Variants in SERINC5 observed in about 807,000 individuals in gnomAD.
The protein encoded by SERINC5 is chromosome 5 open reading frame 12.
Under a neutral mutation model 63.1 loss-of-function variants are expected in SERINC5, and 41 were observed. The observed-to-expected ratio is 0.65, with a 90% CI of 0.51 to 0.84. SERINC5 has a LOEUF of 0.84. Among genes scored for constraint, SERINC5 ranks in the 40% least tolerant of loss-of-function variants. The probability of loss-of-function intolerance (pLI) is 0.00; values close to 1 mark genes in which losing one functional copy is unlikely to be tolerated. For synonymous variants in SERINC5, 222 were observed against 215.2 expected, an observed-to-expected ratio of 1.03 and a Z score of -0.28; for missense variants, 523 against 573.0, an observed-to-expected ratio of 0.91 and a Z score of 0.89.
chr5:80,253,403 C>T (rs1752513909), intron 1 of SERINC5, among the ~76,000 whole-genome samples: 2 of 152,176 alleles, frequency 1.3e-5, no homozygotes, highest in Admixed American at 1.3e-4. Context: ...TCATGACCAA[C>T]TCGAACTGCT....
At chr5:80,167,661 T>C (rs551196508) in intron 6 of SERINC5, among the ~76,000 whole-genome samples, 70 of 152,316 alleles carry the variant, frequency 4.6e-4, no homozygotes, top group African/African-American at 1.6e-3. Context: ...TCCACTATGG[T>C]TGAACTAATT....
intron 1 of SERINC5, among the ~76,000 whole-genome samples, chr5:80,249,359 T>C (rs1752300708): frequency 6.6e-6 from 1 of 151,650 alleles, no homozygotes; most frequent in Non-Finnish European, 1.5e-5. Flanking sequence ...GAAGACTATC[T>C]ACATATGAAT....
At chr5:80,235,641 G>A (rs905881407) in intron 1 of SERINC5, among the ~76,000 whole-genome samples, 6 of 152,104 alleles carry the variant, frequency 3.9e-5, no homozygotes, top group African/African-American at 1.5e-4. Context: ...CTGTCGCCCA[G>A]GCTGGAGTGC....
chr5:80,142,954 C>A lies in SERINC5; in HGVS notation c.*709G>T. 1.0e-6 allele frequency: 1 copy of A among 985,442 alleles called. No homozygotes were observed. Among genetic ancestry groups the A allele is most frequent in the Non-Finnish European group, 1.2e-6 (1 of 829,966 alleles). The allele number at this position is 985,442 out of a possible 1,614,324, so 61.0% of individuals were successfully genotyped here. On this transcript the variant is annotated 3_prime_UTR_variant, in exon 12 of 12. Coordinates refer to ENST00000507668, the MANE Select transcript of SERINC5 (RefSeq NM_001174072.3). ...GTAGTGATAATAAGGTGGGGAACCA[C>A]CTGGGGGGTGATCAGACAAATTGTG... is the stretch of plus-strand genomic sequence containing the variant.
At chr5:80,243,526 T>C (rs931783078) in intron 1 of SERINC5, among the ~76,000 whole-genome samples, 1 of 151,904 alleles carries the variant, frequency 6.6e-6, no homozygotes, top group Non-Finnish European at 1.5e-5. Context: ...AAAAAGGACA[T>C]CTAAGCTTCA....
At chr5:80,215,321 C>T (rs1750614574) in intron 1 of SERINC5, among the ~76,000 whole-genome samples, 1 of 152,176 alleles carries the variant, frequency 6.6e-6, no homozygotes, top group African/African-American at 2.4e-5. Context: ...CTGCTCCTCC[C>T]TTGTCTTCCG....
chr5:80,146,620 T>C (rs908247305), intron 10 of SERINC5, among the ~76,000 whole-genome samples: 2 of 152,038 alleles, frequency 1.3e-5, no homozygotes, highest in African/African-American at 4.8e-5. Context: ...GCCCGGCTAA[T>C]TTTGTATTGT....
intron 9 of SERINC5, among the ~76,000 whole-genome samples, chr5:80,150,544 T>C (rs1746108595): frequency 6.6e-6 from 1 of 152,220 alleles, no homozygotes; most frequent in Admixed American, 6.5e-5. Flanking sequence ...CAAGTGATTC[T>C]CGCGTCTCAG....
chr5:80,111,340 G>T (rs10805931), downstream of SERINC5, among the ~76,000 whole-genome samples: 9,823 of 152,196 alleles, frequency 0.065, 378 homozygotes, highest in East Asian at 0.18. Context: ...AGAGAGGGGA[G>T]GGGGAGCCTA....
chr5:80,116,689 G>A (rs547199601), intron 11 of SERINC5, among the ~76,000 whole-genome samples: 4 of 152,140 alleles, frequency 2.6e-5, no homozygotes, highest in South Asian at 2.1e-4. Flanking sequence ...ATGTTCACTC[G>A]TTCATTAACA....
intron 1 of SERINC5, among the ~76,000 whole-genome samples, chr5:80,251,290 GCATACATACATA>G (rs201874043): frequency 0.02 from 1,969 of 98,564 alleles, 27 homozygotes; most frequent in Non-Finnish European, 0.026. Context: ...ATACATACAT[GCATACATACATA>G]CATACATACA....
intron 11 of SERINC5, chr5:80,116,414 T>C (rs441009): frequency 0.18 from 80,063 of 441,174 alleles, 8,142 homozygotes; most frequent in South Asian, 0.24. Flanking sequence ...TCCAGATCAC[T>C]ATGAACCTTA....
At chr5:80,119,985 C>A (rs1180706680) in intron 11 of SERINC5, among the ~76,000 whole-genome samples, 1 of 152,146 alleles carries the variant, frequency 6.6e-6, no homozygotes, top group Non-Finnish European at 1.5e-5. Flanking sequence ...GAAATAGGGT[C>A]CAATCCTGGG....
At chr5:80,174,881 AG>A in intron 5 of SERINC5, 72 bp downstream of exon 5, 2 of 967,704 alleles carry the variant, frequency 2.1e-6, no homozygotes, top group Non-Finnish European at 3.1e-6. Flanking sequence ...CTAGCAATGC[AG>A]TTGAGTACAG....
intron 5 of SERINC5, among the ~76,000 whole-genome samples, chr5:80,173,215 CAGGAAGGAAAGAAGGA>C (rs1472640140): frequency 7.0e-5 from 9 of 128,452 alleles, no homozygotes; most frequent in African/African-American, 1.5e-4. Flanking sequence ...AGAGGAAAGG[CAGGAAGGAAAGAAGGA>C]AGGAAGGAAG....
At chr5:80,138,119 C>T (rs1428322786), downstream of SERINC5, among the ~76,000 whole-genome samples, 1 of 151,460 alleles carries the variant, frequency 6.6e-6, no homozygotes, top group Non-Finnish European at 1.5e-5. Context: ...GTCAAACTTC[C>T]TAAGTTTGAC....
chr5:80,169,538 C>T lies in SERINC5; in HGVS notation c.560G>A (p.Gly187Asp), dbSNP rs1220707534. The T allele has an allele frequency of 1.9e-6, 3 of 1,612,046 alleles. No individual in the cohort carries two copies. The highest frequency in any genetic ancestry group is 1.3e-5 in the African/African-American group (1 of 75,002). ...GTACCACAGCTTGTTACTGGCTGTG[C>T]CTGCTGTCCTGTTTCTCCGGGAAGT... ...AHKWNKNWTA[G>D]TASNKLWYAS... The change falls in exon 6 of 12, where the codon GGC (glycine) becomes GAC (aspartate). Residue 187 changes from glycine to aspartate, a missense_variant. By Grantham distance (94) the Gly-to-Asp change is moderately conservative. Transcript: ENST00000507668.
At chr5:80,117,642 G>T (rs373319645) in intron 11 of SERINC5, among the ~76,000 whole-genome samples, 1 of 124,552 alleles carries the variant, frequency 8.0e-6, no homozygotes, top group African/African-American at 3.0e-5. Context: ...TGTGGCTACT[G>T]AAAAAAAAAA....
At chr5:80,123,755 C>G (rs192166391) in intron 11 of SERINC5, among the ~76,000 whole-genome samples, 5 of 152,164 alleles carry the variant, frequency 3.3e-5, no homozygotes, top group Admixed American at 2.6e-4. Context: ...CACCTGAGAA[C>G]GTGCAGGGTC....
Sources: allele counts gnomAD v4.1 joint callset (sites outside exome capture counted in the v4.1 genomes callset), GRCh38; gene constraint gnomAD v4.1.1; transcripts MANE v1.5; gene names NCBI Gene and HGNC (gene_info 2026-07-23, HGNC 2026-07-21).